Variants in SULF2 observed in about 807,000 individuals in gnomAD.
SULF2 encodes the protein extracellular sulfatase Sulf-2.
SULF2 carries 52 observed loss-of-function variants against 107.7 expected under a neutral mutation model. The observed-to-expected ratio is 0.48, with a 90% confidence interval of 0.39 to 0.61. SULF2 has a LOEUF of 0.61. Ranked by LOEUF, SULF2 falls within the 20% of genes least tolerant of loss-of-function variation. SULF2 has a pLI of 0.00. For missense variants in SULF2, 993 were observed against 1,177.3 expected (o/e 0.84, Z 2.29); for synonymous variants, 460 against 464.3 (o/e 0.99, Z 0.12).
chr20:47,736,204 T>G (rs2089725541), intron 3 of SULF2, among the ~76,000 whole-genome samples: 1 of 152,030 alleles, frequency 6.6e-6, no homozygotes, highest in Non-Finnish European at 1.5e-5. Context: ...CACGGGTGAG[T>G]GTGGACAGTC....
upstream of SULF2, among the ~76,000 whole-genome samples, chr20:47,785,668 G>A (rs975440023): frequency 4.1e-5 from 6 of 146,486 alleles, no homozygotes; most frequent in African/African-American, 7.4e-5. Context: ...CCCTTGGCAC[G>A]GCGCTACCGC....
chr20:47,778,832 G>A (rs1379475043), intron 1 of SULF2, among the ~76,000 whole-genome samples: 1 of 152,168 alleles, frequency 6.6e-6, no homozygotes, highest in Non-Finnish European at 1.5e-5. Flanking sequence ...CAGGCACTAG[G>A]GGGAGGCTGG....
intron 11 of SULF2, among the ~76,000 whole-genome samples, chr20:47,670,807 A>G (rs1328673717): frequency 8.1e-6 from 1 of 123,516 alleles, no homozygotes; most frequent in Non-Finnish European, 1.8e-5. Context: ...GTTGCGTACT[A>G]GTGGGAATAT....
chr20:47,744,731 C>T (rs1568890411), intron 2 of SULF2, among the ~76,000 whole-genome samples: 1 of 152,152 alleles, frequency 6.6e-6, no homozygotes, highest in Admixed American at 6.5e-5. Context: ...CTACACTCTA[C>T]CTGGGGCCAG....
rs537016250 is a variant in SULF2 at position 47,700,242 on chromosome 20, G to C, written c.567+2277C>G. ...CAAACTACAGCCAAGCAGGTCGACT[G>C]CCTGTTTTTGTAAACAAAGCTTCCT... On this transcript the variant is annotated intron_variant, in intron 4 of 20. Coordinates refer to ENST00000688720, the MANE Select transcript of SULF2 (RefSeq NM_001387048.1). 1.9e-4 allele frequency among the ~76,000 whole-genome samples: 29 copies of C among 152,262 alleles called. No homozygotes were observed. In the East Asian group the frequency reaches 2.3e-3, roughly 12 times the overall value.
rs2089342077 is a variant in SULF2, at chr20:47,723,180, G to A, written c.415+13523C>T. 2.6e-5 allele frequency among the ~76,000 whole-genome samples: 4 copies of A among 151,964 alleles called. No homozygotes were observed. In the South Asian group the frequency reaches 8.3e-4, roughly 32 times the overall value. ...AATTGCTTGAACCTGGGAGTTGGAGGTTGCAGTGAGTCAAGATCATGCCAC... is the reference window on the plus strand; with the variant it reads ...AATTGCTTGAACCTGGGAGTTGGAGATTGCAGTGAGTCAAGATCATGCCAC... On this transcript the variant is annotated intron_variant, in intron 3 of 20. Transcript: ENST00000688720.
chr20:47,738,657 A>G (rs986467805), intron 2 of SULF2, among the ~76,000 whole-genome samples: 2 of 152,156 alleles, frequency 1.3e-5, no homozygotes, highest in Non-Finnish European at 2.9e-5. Flanking sequence ...ATGGTTTTAT[A>G]AAGGTTTTCC....
Position 47,659,082 on chromosome 20 carries a change from C to T in SULF2, c.2582+317G>A, listed in dbSNP as rs146035774. On this transcript the variant is annotated intron_variant, in intron 20 of 20. Coordinates refer to ENST00000688720, the MANE Select transcript of SULF2 (RefSeq NM_001387048.1). The stretch of plus-strand genomic sequence containing the variant: ...TACTGATGTTGTATATCAGTTAGCA[C>T]TTTTGTAGCCACAGCCTTCAAGATG... 1.1e-3 allele frequency among the ~76,000 whole-genome samples: 174 copies of T among 152,308 alleles called. No individual in the cohort carries two copies. In the Middle Eastern group the frequency reaches 0.014, roughly 12 times the overall value.
At chr20:47,706,473 A>T (rs2088741190) in intron 3 of SULF2, 1 of 152,228 alleles carries the variant, frequency 6.6e-6, no homozygotes, top group Admixed American at 6.5e-5. Context: ...TTAGAAAGAA[A>T]AAAAAGAAGT....
chr20:47,759,889 T>C (rs984790171), intron 1 of SULF2, among the ~76,000 whole-genome samples: 8 of 152,252 alleles, frequency 5.3e-5, no homozygotes, highest in African/African-American at 1.9e-4. Flanking sequence ...TTCTTATTTA[T>C]TGTCCAATTC....
intron 18 of SULF2, chr20:47,661,471 A>T: frequency 9.0e-6 from 2 of 222,254 alleles, no homozygotes; most frequent in East Asian, 1.0e-4. Context: ...ACATGGTTTC[A>T]GGTGTAAGTT....
At chr20:47,688,168 C>T (rs1267505841) in intron 5 of SULF2, among the ~76,000 whole-genome samples, 1 of 152,080 alleles carries the variant, frequency 6.6e-6, no homozygotes, top group Non-Finnish European at 1.5e-5. Context: ...GGATAGGAGA[C>T]CCCTAACAGA....
chr20:47,780,915 G>C (rs568689073), intron 1 of SULF2, among the ~76,000 whole-genome samples: 1 of 152,160 alleles, frequency 6.6e-6, no homozygotes. Context: ...AGAGGCCCAC[G>C]CTCCAGAGCT....
At chr20:47,720,474 T>C (rs12481276) in intron 3 of SULF2, among the ~76,000 whole-genome samples, 23,104 of 151,672 alleles carry the variant, frequency 0.15, 1,958 homozygotes, top group Non-Finnish European at 0.2. Context: ...GCCAGGCTGG[T>C]CTTGAACTCC....
chr20:47,739,143 G>A (rs1188465938), intron 2 of SULF2, among the ~76,000 whole-genome samples: 4 of 152,134 alleles, frequency 2.6e-5, no homozygotes, highest in Admixed American at 6.5e-5. Context: ...TTGGACTTCC[G>A]GCCTCCAGAA....
chr20:47,658,346 C>T lies in SULF2; in HGVS notation c.*16G>A. On this transcript the variant is annotated 3_prime_UTR_variant, in exon 21 of 21. Coordinates refer to ENST00000688720, the MANE Select transcript of SULF2 (RefSeq NM_001387048.1). Reference sequence around the variant, plus strand: ...GTGATGCCTCTATGTTTTTGGAGGTCCACCTCTGTTGTTTCTTAACCTTCC... The same window carrying T: ...GTGATGCCTCTATGTTTTTGGAGGTTCACCTCTGTTGTTTCTTAACCTTCC... The T allele has an allele frequency of 6.2e-7, 1 of 1,613,992 alleles. No individual in the cohort carries two copies. The highest frequency in any genetic ancestry group is 1.6e-4 in the Middle Eastern group (1 of 6,062).
At chr20:47,779,438 T>C (rs2090782517) in intron 1 of SULF2, among the ~76,000 whole-genome samples, 2 of 152,152 alleles carry the variant, frequency 1.3e-5, no homozygotes, top group Non-Finnish European at 2.9e-5. Flanking sequence ...TCCATCTCCA[T>C]TGATACCACC....
chr20:47,672,663 A>C, intron 10 of SULF2: 14 of 522,204 alleles, frequency 2.7e-5, no homozygotes, highest in Non-Finnish European at 3.2e-5. Flanking sequence ...ATCCACCCAC[A>C]TGGCAGCTAG....
chr20:47,679,041 T>C (rs1430902923), intron 7 of SULF2, among the ~76,000 whole-genome samples: 1 of 135,852 alleles, frequency 7.4e-6, no homozygotes, highest in Non-Finnish European at 1.6e-5. Flanking sequence ...TGCCGTGAGC[T>C]GACAGCCTCA....
Sources: gnomAD v4.1 joint callset for allele counts (sites outside exome capture counted in the v4.1 genomes callset) on GRCh38, gnomAD v4.1.1 for gene constraint, MANE v1.5 for transcripts, NCBI Gene and HGNC (gene_info 2026-07-23, HGNC 2026-07-21) for gene names.